The following SEL1L2 variants were observed in gnomAD, a reference collection of about 807,000 sequenced individuals.
SEL1L2 encodes the protein SEL1L2 adaptor subunit of SYVN1 ubiquitin ligase.
A neutral mutation model predicts 98.8 loss-of-function variants in SEL1L2; 89 were observed. That is an observed-to-expected ratio of 0.90 (90% CI 0.76 to 1.07). SEL1L2 has a LOEUF of 1.07. Ranked by LOEUF, SEL1L2 falls within the 50% of genes least tolerant of loss-of-function variation. The probability of loss-of-function intolerance (pLI) is 0.00; values close to 1 mark genes in which losing one functional copy is unlikely to be tolerated. For missense variants in SEL1L2, 788 were observed against 812.0 expected (o/e 0.97, Z 0.36); for synonymous variants, 262 against 278.5 (o/e 0.94, Z 0.59).
rs1057031213 is a variant in SEL1L2 at position 13,865,607 on chromosome 20, G to T, written c.1405-93C>A. 1.8e-5 allele frequency: 20 copies of T among 1,120,954 alleles called. No individual in the cohort carries two copies. The African/African-American group carries it at 3.0e-4, about 17-fold the overall frequency. 69.4% of individuals were successfully genotyped at this position (1,120,954 alleles called of 1,614,324 possible). A position where few individuals can be genotyped will look rare whatever the true frequency, so the allele number is the denominator to read the frequency against. On this transcript the variant is annotated intron_variant, in intron 15 of 19. Coordinates refer to ENST00000284951, the MANE Select transcript of SEL1L2 (RefSeq NM_025229.2). ...GGAAATCAGTCTTCAGCTCCTACCA[G>T]CTGGTCAGGGAAGGATTTTAGGTCT... is the stretch of plus-strand genomic sequence containing the variant.
intron 1 of SEL1L2, among the ~76,000 whole-genome samples, chr20:13,987,113 G>A (rs2148580130): frequency 6.6e-6 from 1 of 152,242 alleles, no homozygotes; most frequent in East Asian, 1.9e-4. Flanking sequence ...TTACAGGCGT[G>A]AGCCACCGCG....
chr20:13,854,261 A>C (rs1379050820), intron 18 of SEL1L2, among the ~76,000 whole-genome samples: 3 of 152,210 alleles, frequency 2.0e-5, no homozygotes, highest in Non-Finnish European at 4.4e-5. Flanking sequence ...GTCTACATAT[A>C]TGTATTTGAA....
At position 13,888,635 on chromosome 20, in the gene SEL1L2, C is replaced by CTTTTTT. The variant is rs71188192; in HGVS notation, c.550-129_550-124dup. ...TTGCATTGTTAATTTCTTTCTTTCT[C>CTTTTTT]TTTTTTTTTTTTTTTTTTTTTGAGA... On this transcript the variant is annotated intron_variant, in intron 5 of 19. Transcript: ENST00000284951. 6.7e-3 allele frequency: 1,382 copies of CTTTTTT among 205,998 alleles called. 35 individuals carry two copies. The highest frequency in any genetic ancestry group is 0.014 in the African/African-American group (353 of 25,036). The allele number at this position is 205,998 out of a possible 1,614,324, so 12.8% of individuals were successfully genotyped here. A position where few individuals can be genotyped will look rare whatever the true frequency, so the allele number is the denominator to read the frequency against.
intron 2 of SEL1L2, among the ~76,000 whole-genome samples, chr20:13,952,341 C>G (rs1026142024): frequency 1.3e-5 from 2 of 152,174 alleles, no homozygotes; most frequent in African/African-American, 4.8e-5. Context: ...CTAATTCCTG[C>G]CAATAAAGCC....
At chr20:13,955,529 G>A (rs893672199) in intron 2 of SEL1L2, among the ~76,000 whole-genome samples, 2 of 152,056 alleles carry the variant, frequency 1.3e-5, no homozygotes, top group African/African-American at 4.8e-5. Context: ...AAAAAACCAC[G>A]AGGGCAAGAC....
At chr20:13,914,308 C>T (rs1345896043) in intron 4 of SEL1L2, among the ~76,000 whole-genome samples, 1 of 152,088 alleles carries the variant, frequency 6.6e-6, no homozygotes, top group Non-Finnish European at 1.5e-5. Flanking sequence ...CTCCCATGGC[C>T]ACCACCATTA....
Position 13,931,719 on chromosome 20 carries a change from G to A in SEL1L2, c.167C>T (p.Thr56Ile), listed in dbSNP as rs758054444. 9 of 1,561,968 alleles carry A rather than the reference G, an allele frequency of 5.8e-6. No individual in the cohort carries two copies. The highest frequency in any genetic ancestry group is 1.4e-5 in the African/African-American group (1 of 72,380). Reference sequence around the variant, plus strand: ...TCTTTTATTGATTACATTACTAGATGTTCTTTGTTCCAATATGTGTGATAA... The same window carrying A: ...TCTTTTATTGATTACATTACTAGATATTCTTTGTTCCAATATGTGTGATAA... ...QYLSHILEQR[T>I]SSNVINKREN... Residue 56 changes from threonine to isoleucine, a missense_variant, in exon 3 of 20, where the codon ACA becomes ATA. Thr to Ile is a moderately conservative substitution (Grantham distance 89). Coordinates refer to ENST00000284951, the MANE Select transcript of SEL1L2 (RefSeq NM_025229.2).
intron 8 of SEL1L2, among the ~76,000 whole-genome samples, chr20:13,887,001 G>T (rs929264644): frequency 1.9e-4 from 29 of 151,998 alleles, no homozygotes; most frequent in African/African-American, 6.5e-4. Flanking sequence ...TGACCAAAAA[G>T]ACTCAAGGAA....
At chr20:13,874,269 A>G (rs2046335623) in intron 12 of SEL1L2, among the ~76,000 whole-genome samples, 1 of 152,234 alleles carries the variant, frequency 6.6e-6, no homozygotes, top group Non-Finnish European at 1.5e-5. Context: ...TATTGATATC[A>G]TTTAAAAACA....
rs6042443 is a variant in SEL1L2, at chr20:13,946,002, G to A, written c.114+10074C>T. Among the ~76,000 whole-genome samples, 920 of 152,160 alleles carry A rather than the reference G, an allele frequency of 6.0e-3. 9 individuals carry two copies. Among genetic ancestry groups the A allele is most frequent in the African/African-American group, 0.021 (871 of 41,510 alleles). ...CTCCATGGTTAATATCATACTCAAT[G>A]GTTAAAGTTAATATCATACTCAACA... On this transcript the variant is annotated intron_variant, in intron 2 of 19. Transcript: ENST00000284951.
chr20:13,865,309 G>A (rs763812553), intron 16 of SEL1L2, 40 bp downstream of exon 16: 21 of 1,609,920 alleles, frequency 1.3e-5, no homozygotes, highest in African/African-American at 8.0e-5. Flanking sequence ...ACATGCATAT[G>A]TATGATTGGG....
At chr20:13,923,316 G>C (rs958670732) in intron 3 of SEL1L2, among the ~76,000 whole-genome samples, 5 of 152,120 alleles carry the variant, frequency 3.3e-5, no homozygotes, top group Non-Finnish European at 5.9e-5. Flanking sequence ...AGACATAAAA[G>C]GTTTTTAAAA....
chr20:13,948,234 C>CT (rs36040998), intron 2 of SEL1L2, among the ~76,000 whole-genome samples: 26,126 of 149,034 alleles, frequency 0.18, 2,279 homozygotes, highest in East Asian at 0.21. Context: ...ATCCCAATGG[C>CT]TTTTTTTTTT....
chr20:13,860,658 C>T (rs531332109), intron 17 of SEL1L2, among the ~76,000 whole-genome samples: 76 of 151,972 alleles, frequency 5.0e-4, no homozygotes, highest in African/African-American at 1.7e-3. Flanking sequence ...TCTTCTTTTC[C>T]CTCTTTTCTC....
chr20:13,916,279 G>A (rs1157444161), intron 4 of SEL1L2, among the ~76,000 whole-genome samples: 2 of 152,144 alleles, frequency 1.3e-5, no homozygotes, highest in Non-Finnish European at 2.9e-5. Flanking sequence ...GCAAAGAGAG[G>A]GTAGGATAGA....
chr20:13,985,873 A>C (rs888528369), intron 1 of SEL1L2, among the ~76,000 whole-genome samples: 10 of 152,214 alleles, frequency 6.6e-5, no homozygotes, highest in African/African-American at 2.4e-4. Flanking sequence ...GCATTTGCTT[A>C]TTATGGACAT....
chr20:13,908,031 C>A (rs1303492504), intron 5 of SEL1L2, among the ~76,000 whole-genome samples: 2 of 150,302 alleles, frequency 1.3e-5, no homozygotes, highest in Non-Finnish European at 3.0e-5. Flanking sequence ...AAGTGATCTC[C>A]CGCCTCAGCC....
chr20:13,910,477 T>C (rs1301751319), intron 5 of SEL1L2, among the ~76,000 whole-genome samples: 2 of 152,232 alleles, frequency 1.3e-5, no homozygotes, highest in Non-Finnish European at 2.9e-5. Flanking sequence ...AGAGCTATTA[T>C]GTGATAGAAT....
At chr20:13,962,339 A>C (rs918633036) in intron 1 of SEL1L2, among the ~76,000 whole-genome samples, 1 of 152,192 alleles carries the variant, frequency 6.6e-6, no homozygotes, top group African/African-American at 2.4e-5. Flanking sequence ...ATGACACTTC[A>C]AATTCCAAGG....
Sources: allele counts gnomAD v4.1 joint callset (sites outside exome capture counted in the v4.1 genomes callset), GRCh38; gene constraint gnomAD v4.1.1; transcripts MANE v1.5; gene names NCBI Gene and HGNC (gene_info 2026-07-23, HGNC 2026-07-21).